The following CCDC81 variants were observed in gnomAD, a reference collection of about 807,000 sequenced individuals.
CCDC81 encodes the protein coiled-coil domain-containing protein 81.
A neutral mutation model predicts 83.7 loss-of-function variants in CCDC81; 79 were observed. The ratio of observed to expected loss-of-function variants is 0.94; its 90% CI spans 0.79 to 1.14. CCDC81 has a LOEUF of 1.14. Ranked by LOEUF, CCDC81 falls within the 50% of genes most tolerant of loss-of-function variation. The pLI is 0.00. For synonymous variants in CCDC81, 252 were observed against 278.1 expected, an observed-to-expected ratio of 0.91 and a Z score of 0.93; for missense variants, 791 against 778.1, an observed-to-expected ratio of 1.02 and a Z score of -0.20.
At chr11:86,414,665 T>G in intron 11 of CCDC81, 124 bp from the exon 12 acceptor site, 1 of 633,350 alleles carries the variant, frequency 1.6e-6, no homozygotes. Flanking sequence ...GAATAAAACA[T>G]CAATTTTTAT....
rs557623401 is a variant in CCDC81, at chr11:86,381,099, A to G, written c.80-4952A>G. ...GGGTGGGAAAGCATTCTATAGTCCT[A>G]TGATCAGGTCTCAGTCTTTTAGTGA... is the stretch of plus-strand genomic sequence containing the variant. On this transcript the variant is annotated intron_variant, in intron 1 of 14. Transcript: ENST00000445632. 4.3e-4 allele frequency among the ~76,000 whole-genome samples: 66 copies of G among 152,308 alleles called. 2 individuals carry two copies. The South Asian group carries it at 0.013, about 30-fold the overall frequency.
chr11:86,390,101 C>T (rs905075485), intron 3 of CCDC81, among the ~76,000 whole-genome samples: 8 of 151,898 alleles, frequency 5.3e-5, no homozygotes, highest in Admixed American at 1.3e-4. Flanking sequence ...GAGACTCCAT[C>T]TCAAGAAAAA....
Position 86,409,256 on chromosome 11 carries a change from A to T in CCDC81, c.1114-5A>T, listed in dbSNP as rs1355970227. On this transcript the variant is annotated splice_polypyrimidine_tract_variant and splice_region_variant and intron_variant, in intron 9 of 14. Transcript: ENST00000445632. ...AAATAAACTTTTTTTTTTTTTAAAC[A>T]ATAGATGAAAAGTCTGGCTACTAGA... is the stretch of plus-strand genomic sequence containing the variant. 2.9e-6 allele frequency: 4 copies of T among 1,356,372 alleles called. No individual in the cohort carries two copies. The highest frequency in any genetic ancestry group is 3.0e-5 in the African/African-American group (2 of 66,050). The allele number at this position is 1,356,372 out of a possible 1,614,324, so 84.0% of individuals were successfully genotyped here. A position where few individuals can be genotyped will look rare whatever the true frequency, so the allele number is the denominator to read the frequency against.
chr11:86,392,525 G>A lies in CCDC81; in HGVS notation c.299-16G>A, dbSNP rs1393455546. 1 of 1,548,022 alleles carries A rather than the reference G, an allele frequency of 6.5e-7. No homozygotes were observed. Among genetic ancestry groups the A allele is most frequent in the Non-Finnish European group, 8.7e-7 (1 of 1,144,634 alleles). On this transcript the variant is annotated splice_polypyrimidine_tract_variant and intron_variant, in intron 3 of 14. Coordinates refer to ENST00000445632, the MANE Select transcript of CCDC81 (RefSeq NM_001156474.2). Reference sequence around the variant, plus strand: ...CCACTTTCTTTCTCCCACCCCAACTGTCTTTTCTCCTTTAGGTGAAATCCC... The same window carrying A: ...CCACTTTCTTTCTCCCACCCCAACTATCTTTTCTCCTTTAGGTGAAATCCC...
intron 11 of CCDC81, among the ~76,000 whole-genome samples, 180 bp downstream of exon 11, chr11:86,412,739 C>T (rs1052779085): frequency 6.6e-6 from 1 of 152,212 alleles, no homozygotes; most frequent in African/African-American, 2.4e-5. Flanking sequence ...CCTCGCAGGG[C>T]ATGCAGTGGG....
At chr11:86,403,990 T>C (rs1948529703) in intron 7 of CCDC81, among the ~76,000 whole-genome samples, 1 of 152,212 alleles carries the variant, frequency 6.6e-6, no homozygotes, top group East Asian at 1.9e-4. Flanking sequence ...GGGACTACTA[T>C]AGGAAGTGCA....
intron 13 of CCDC81, among the ~76,000 whole-genome samples, chr11:86,417,465 TTA>T (rs1395170597): frequency 6.6e-6 from 1 of 152,048 alleles, no homozygotes; most frequent in East Asian, 1.9e-4. Context: ...CTATGAGATC[TTA>T]TATATTACTC....
At chr11:86,391,480 G>A (rs1168770068) in intron 3 of CCDC81, among the ~76,000 whole-genome samples, 1 of 152,056 alleles carries the variant, frequency 6.6e-6, no homozygotes, top group Non-Finnish European at 1.5e-5. Flanking sequence ...TCTGACTCGT[G>A]AACCTTGTAT....
At chr11:86,397,583 G>T (rs776459699) in intron 5 of CCDC81, 38 bp from the exon 6 acceptor site, 1 of 1,588,886 alleles carries the variant, frequency 6.3e-7, no homozygotes. Flanking sequence ...ACCTGTTCAG[G>T]TTCAGTGCAG....
At chr11:86,401,132 G>T (rs4586193) in intron 7 of CCDC81, among the ~76,000 whole-genome samples, 292 of 152,052 alleles carry the variant, frequency 1.9e-3, no homozygotes, top group African/African-American at 6.3e-3. Context: ...CGAGTGCTTG[G>T]ATATTATGAT....
chr11:86,385,922 TA>T, intron 1 of CCDC81, 128 bp from the exon 2 acceptor site: 1 of 384,288 alleles, frequency 2.6e-6, no homozygotes, highest in Non-Finnish European at 4.8e-6. Context: ...TTGTTAATTC[TA>T]AATTAATCAG....
In CCDC81 at chr11:86,400,798, A is replaced by C. The variant is rs747459267; in HGVS notation, c.878A>C (p.Glu293Ala). 27 of 1,603,688 alleles carry C rather than the reference A, an allele frequency of 1.7e-5. No individual in the cohort carries two copies. The Admixed American group carries it at 4.5e-4, about 27-fold the overall frequency. The stretch of plus-strand genomic sequence containing the variant: ...AGTGGTGGGAAGATTATGACCCCTG[A>C]AAGGTAATGCATTGACTTTTTTTTT... ...SESGGKIMTP[E>A]SLSYPSCLKH... The change falls in exon 7 of 15, where the codon GAA (glutamate) becomes GCA (alanine). Residue 293 changes from glutamate (E) to alanine (A), a missense_variant. Transcript: ENST00000445632.
intron 3 of CCDC81, among the ~76,000 whole-genome samples, chr11:86,392,024 C>G (rs1486050512): frequency 6.6e-6 from 1 of 152,128 alleles, no homozygotes; most frequent in Non-Finnish European, 1.5e-5. Flanking sequence ...GAGGACAGCA[C>G]CCAGGGGGAT....
intron 7 of CCDC81, among the ~76,000 whole-genome samples, chr11:86,402,502 A>T (rs76192780): frequency 6.6e-6 from 1 of 152,210 alleles, no homozygotes; most frequent in Non-Finnish European, 1.5e-5. Flanking sequence ...TTGTTTAACC[A>T]ATCTCCTATT....
At chr11:86,394,063 C>A (rs1346088126) in intron 4 of CCDC81, among the ~76,000 whole-genome samples, 1 of 152,084 alleles carries the variant, frequency 6.6e-6, no homozygotes, top group African/African-American at 2.4e-5. Flanking sequence ...GATTGCCAAC[C>A]CTGTGTGTGG....
At position 86,409,251 on chromosome 11, in the gene CCDC81, T is replaced by TA. The variant is rs1555192790; in HGVS notation, c.1114-7dup. ...TTTAAAAATAAACTTTTTTTTTTTTTAAACAATAGATGAAAAGTCTGGCTA... is the reference window on the plus strand; with the variant it reads ...TTTAAAAATAAACTTTTTTTTTTTTTAAAACAATAGATGAAAAGTCTGGCTA... On this transcript the variant is annotated splice_polypyrimidine_tract_variant and intron_variant, in intron 9 of 14. Transcript: ENST00000445632. The TA allele has an allele frequency of 3.1e-6, 4 of 1,284,242 alleles. No homozygotes were observed. The highest frequency in any genetic ancestry group is 1.9e-5 in the South Asian group (1 of 53,132). 79.6% of individuals were successfully genotyped at this position (1,284,242 alleles called of 1,614,324 possible).
At chr11:86,408,794 T>C (rs1021571125) in intron 9 of CCDC81, among the ~76,000 whole-genome samples, 2 of 152,234 alleles carry the variant, frequency 1.3e-5, no homozygotes, top group South Asian at 4.1e-4. Flanking sequence ...TTTGCACATA[T>C]CACTGATTTT....
chr11:86,398,528 A>AT (rs879875174), intron 6 of CCDC81, among the ~76,000 whole-genome samples: 64 of 144,420 alleles, frequency 4.4e-4, no homozygotes, highest in South Asian at 2.0e-3. Flanking sequence ...GACTCCAAAG[A>AT]TTTTTTTTTT....
At position 86,408,162 on chromosome 11, in the gene CCDC81, A is replaced by C. The variant is rs867234487; in HGVS notation, c.1005A>C (p.Arg335=). 20 of 1,613,862 alleles carry C rather than the reference A, an allele frequency of 1.2e-5. No individual in the cohort carries two copies. In the African/African-American group the frequency reaches 2.3e-4, roughly 18 times the overall value. ...MCYVCLQRAQ[R]NSLLYYSEER... is the part of the protein sequence containing the mutation. Reference sequence around the variant, plus strand: ...ATGTATGTTTGCAACGAGCACAACGAAATTCCCTGTTGTACTACAGTGAGG... The same window carrying C: ...ATGTATGTTTGCAACGAGCACAACGCAATTCCCTGTTGTACTACAGTGAGG... Residue 335 remains arginine (R), a synonymous_variant, in exon 9 of 15, where the codon CGA becomes CGC. Transcript: ENST00000445632.
Sources: gnomAD v4.1 joint callset for allele counts (sites outside exome capture counted in the v4.1 genomes callset) on GRCh38, gnomAD v4.1.1 for gene constraint, MANE v1.5 for transcripts, NCBI Gene and HGNC (gene_info 2026-07-23, HGNC 2026-07-21) for gene names.